Variants in AMBRA1 observed in about 807,000 individuals in gnomAD.
AMBRA1 encodes activating molecule in BECN1-regulated autophagy protein 1.
A neutral mutation model predicts 125.4 loss-of-function variants in AMBRA1; 47 were observed. That is an observed-to-expected ratio of 0.37 (90% CI 0.30 to 0.48). The LOEUF (loss-of-function observed/expected upper bound fraction) is 0.48, where lower values mean the gene tolerates loss of function less well. AMBRA1 is among the 20% of genes least tolerant of loss of function. AMBRA1 has a pLI of 0.99. For synonymous variants in AMBRA1, 626 were observed against 655.5 expected, an observed-to-expected ratio of 0.95 and a Z score of 0.69; for missense variants, 1,331 against 1,693.4, an observed-to-expected ratio of 0.79 and a Z score of 3.76.
chr11:46,468,404 G>A (rs1949422079), intron 11 of AMBRA1, among the ~76,000 whole-genome samples: 1 of 151,734 alleles, frequency 6.6e-6, no homozygotes, highest in South Asian at 2.1e-4. Context: ...AGAGGAAGGA[G>A]GCCCAAGCAT....
At chr11:46,489,099 G>A (rs980507833) in intron 11 of AMBRA1, among the ~76,000 whole-genome samples, 1 of 151,984 alleles carries the variant, frequency 6.6e-6, no homozygotes, top group South Asian at 2.1e-4. Context: ...AAGTTTTAGG[G>A]TACATGTGCA....
intron 1 of AMBRA1, among the ~76,000 whole-genome samples, chr11:46,590,467 AG>A (rs1482502868): frequency 7.2e-5 from 11 of 151,752 alleles, no homozygotes; most frequent in South Asian, 2.1e-4. Flanking sequence ...TCATCTCTTC[AG>A]GAAAAAAAAA....
At chr11:46,399,327 G>A (rs1195968204) in intron 17 of AMBRA1, among the ~76,000 whole-genome samples, 1 of 152,196 alleles carries the variant, frequency 6.6e-6, no homozygotes, top group Non-Finnish European at 1.5e-5. Context: ...GCCTGCCTCA[G>A]CCTCCCAAAA....
At chr11:46,489,086 T>C (rs1024732197) in intron 11 of AMBRA1, among the ~76,000 whole-genome samples, 4 of 152,092 alleles carry the variant, frequency 2.6e-5, no homozygotes, top group African/African-American at 4.8e-5. Context: ...TTTATTACAC[T>C]TTAAGTTTTA....
At chr11:46,453,632 T>A (rs1011814424) in intron 11 of AMBRA1, among the ~76,000 whole-genome samples, 4 of 152,210 alleles carry the variant, frequency 2.6e-5, no homozygotes, top group Non-Finnish European at 5.9e-5. Flanking sequence ...CTGAGTGTAT[T>A]ATCTATAGCT....
At chr11:46,534,410 A>G (rs1952368372) in intron 7 of AMBRA1, among the ~76,000 whole-genome samples, 1 of 151,940 alleles carries the variant, frequency 6.6e-6, no homozygotes, top group Non-Finnish European at 1.5e-5. Context: ...CAAAAGAATC[A>G]CTTGAACCCG....
intron 17 of AMBRA1, among the ~76,000 whole-genome samples, chr11:46,408,219 G>A (rs144262882): frequency 1.3e-5 from 2 of 152,336 alleles, no homozygotes; most frequent in African/African-American, 4.8e-5. Flanking sequence ...CAGCTTGCAG[G>A]AGGGAGTCTC....
intron 1 of AMBRA1, among the ~76,000 whole-genome samples, chr11:46,566,606 T>C (rs181179445): frequency 1.1e-4 from 16 of 152,216 alleles, no homozygotes; most frequent in East Asian, 5.8e-4. Context: ...GGGGTGAGGA[T>C]TGAGCTACCT....
chr11:46,548,002 G>C (rs2042878959), intron 2 of AMBRA1, 127 bp from the exon 3 acceptor site: 2 of 1,243,814 alleles, frequency 1.6e-6, no homozygotes, highest in East Asian at 4.8e-5. Context: ...TGGAGACAAT[G>C]ATCAAGCTAC....
chr11:46,496,983 G>C (rs536238245), intron 9 of AMBRA1, among the ~76,000 whole-genome samples: 1 of 152,020 alleles, frequency 6.6e-6, no homozygotes, highest in Non-Finnish European at 1.5e-5. Context: ...GTGATGGCGA[G>C]CGCCTGTAAT....
intron 11 of AMBRA1, among the ~76,000 whole-genome samples, chr11:46,462,243 T>G (rs904574909): frequency 6.6e-6 from 1 of 152,218 alleles, no homozygotes; most frequent in Non-Finnish European, 1.5e-5. Context: ...CACACCTTTT[T>G]AAGACCAACT....
At chr11:46,458,274 G>A (rs1948938561) in intron 11 of AMBRA1, among the ~76,000 whole-genome samples, 2 of 152,196 alleles carry the variant, frequency 1.3e-5, no homozygotes. Flanking sequence ...GCTGCTAAAA[G>A]GACGCACCTG....
intron 11 of AMBRA1, among the ~76,000 whole-genome samples, chr11:46,465,071 A>G (rs1465879744): frequency 6.6e-6 from 1 of 152,072 alleles, no homozygotes; most frequent in Non-Finnish European, 1.5e-5. Flanking sequence ...ATAAAAAAAA[A>G]TAAACACCAA....
At chr11:46,428,298 T>C (rs1947259041) in intron 14 of AMBRA1, among the ~76,000 whole-genome samples, 1 of 152,166 alleles carries the variant, frequency 6.6e-6, no homozygotes, top group African/African-American at 2.4e-5. Flanking sequence ...GGCTACGGTT[T>C]TACCACATGG....
chr11:46,494,616 G>T, intron 9 of AMBRA1: 1 of 154,178 alleles, frequency 6.5e-6, no homozygotes, highest in Non-Finnish European at 1.4e-5. Context: ...TGTGGGAGGA[G>T]GTCTTAAAGG....
intron 1 of AMBRA1, among the ~76,000 whole-genome samples, chr11:46,570,975 G>A (rs2043737188): frequency 6.6e-6 from 1 of 152,172 alleles, no homozygotes; most frequent in African/African-American, 2.4e-5. Flanking sequence ...GACTACAACT[G>A]CAATATACTG....
intron 11 of AMBRA1, among the ~76,000 whole-genome samples, chr11:46,486,955 A>G (rs916614529): frequency 1.3e-5 from 2 of 150,720 alleles, no homozygotes; most frequent in African/African-American, 2.5e-5. Flanking sequence ...ATAAATAAAT[A>G]CAAATAAAAG....
At chr11:46,449,214 C>T (rs1449971293) in intron 11 of AMBRA1, among the ~76,000 whole-genome samples, 1 of 152,070 alleles carries the variant, frequency 6.6e-6, no homozygotes, top group Non-Finnish European at 1.5e-5. Context: ...CCCCCCACCG[C>T]AAAACAAAGT....
At chr11:46,427,052 T>C (rs1221470276) in intron 14 of AMBRA1, among the ~76,000 whole-genome samples, 1 of 152,130 alleles carries the variant, frequency 6.6e-6, no homozygotes, top group African/African-American at 2.4e-5. Context: ...TTGCAGAATA[T>C]AGGGAAGCAC....
Sources: gnomAD v4.1 joint callset for allele counts (sites outside exome capture counted in the v4.1 genomes callset) on GRCh38, gnomAD v4.1.1 for gene constraint, MANE v1.5 for transcripts, NCBI Gene and HGNC (gene_info 2026-07-23, HGNC 2026-07-21) for gene names.